The following ATG5 variants were observed in gnomAD, a reference collection of about 807,000 sequenced individuals.
ATG5 encodes autophagy related 5, also known as autophagy protein 5.
Under a neutral mutation model 36.5 loss-of-function variants are expected in ATG5, and 14 were observed. The observed-to-expected ratio is 0.38, with a 90% CI of 0.25 to 0.60. The LOEUF is 0.60. Among genes scored for constraint, ATG5 ranks in the 20% least tolerant of loss-of-function variants. The probability of loss-of-function intolerance (pLI) is 0.60; values close to 1 mark genes in which losing one functional copy is unlikely to be tolerated. For synonymous variants in ATG5, 95 were observed against 101.5 expected (o/e 0.94, Z 0.38); for missense variants, 195 against 326.7 (o/e 0.60, Z 3.11).
intron 6 of ATG5, among the ~76,000 whole-genome samples, chr6:106,214,590 T>A (rs1776970576): frequency 6.6e-6 from 1 of 152,194 alleles, no homozygotes; most frequent in Non-Finnish European, 1.5e-5. Flanking sequence ...CAATCTGGTT[T>A]GGAGTTTATG....
chr6:106,200,170 A>G (rs552006781), intron 7 of ATG5, among the ~76,000 whole-genome samples: 25 of 152,294 alleles, frequency 1.6e-4, no homozygotes, highest in African/African-American at 5.3e-4. Flanking sequence ...TGAATGACAC[A>G]TATTTTGGGC....
chr6:106,305,073 A>C (rs997513131), intron 3 of ATG5, among the ~76,000 whole-genome samples: 1 of 149,908 alleles, frequency 6.7e-6, no homozygotes, highest in African/African-American at 2.5e-5. Flanking sequence ...CCTGGGCGAC[A>C]AGAGCAAAAC....
intron 6 of ATG5, among the ~76,000 whole-genome samples, chr6:106,246,388 TCTCTCACACA>T (rs1158750422): frequency 4.2e-4 from 40 of 95,540 alleles, no homozygotes; most frequent in Non-Finnish European, 6.0e-4. Flanking sequence ...TCTCTCTCTC[TCTCTCACACA>T]CACACACACA....
intron 6 of ATG5, among the ~76,000 whole-genome samples, chr6:106,229,658 A>C (rs1777598752): frequency 6.6e-6 from 1 of 152,220 alleles, no homozygotes; most frequent in South Asian, 2.1e-4. Context: ...TAACACTCCA[A>C]TACTACCTTG....
chr6:106,300,787 G>A (rs1305714130), intron 3 of ATG5, among the ~76,000 whole-genome samples: 8 of 151,836 alleles, frequency 5.3e-5, no homozygotes, highest in South Asian at 4.1e-4. Flanking sequence ...TCCTAAATGC[G>A]GTCCATCATT....
rs192658334 is a variant in ATG5, at chr6:106,303,964, C to A, written c.236+4400G>T. Among the ~76,000 whole-genome samples the A allele has an allele frequency of 6.9e-3, 1,021 of 148,216 alleles. 5 individuals are homozygous for A. The highest frequency in any genetic ancestry group is 0.018 in the South Asian group (86 of 4,708). Reference sequence around the variant, plus strand: ...AACACAGTACTAGAAGTTCTAGCTACTCCAATAAGGAAAAAAAAAAAAAGA... The same window carrying A: ...AACACAGTACTAGAAGTTCTAGCTAATCCAATAAGGAAAAAAAAAAAAAGA... On this transcript the variant is annotated intron_variant, in intron 3 of 7. Coordinates refer to ENST00000369076, the MANE Select transcript of ATG5 (RefSeq NM_004849.4).
At chr6:106,218,909 A>G (rs1777142430) in intron 6 of ATG5, among the ~76,000 whole-genome samples, 1 of 152,190 alleles carries the variant, frequency 6.6e-6, no homozygotes, top group South Asian at 2.1e-4. Flanking sequence ...AAAATAGGAA[A>G]TGCTCTACTA....
chr6:106,269,953 G>GC (rs1222017775), intron 5 of ATG5, among the ~76,000 whole-genome samples: 1 of 152,196 alleles, frequency 6.6e-6, no homozygotes, highest in Non-Finnish European at 1.5e-5. Flanking sequence ...CTGCCAGCAC[G>GC]CTGTCACCTC....
intron 6 of ATG5, among the ~76,000 whole-genome samples, chr6:106,204,483 T>TC (rs1476386420): frequency 2.0e-5 from 3 of 152,220 alleles, no homozygotes; most frequent in Non-Finnish European, 4.4e-5. Context: ...ATGATTGATA[T>TC]CCTTTGATAT....
At chr6:106,198,990 C>T (rs1184725745) in intron 7 of ATG5, among the ~76,000 whole-genome samples, 1 of 151,968 alleles carries the variant, frequency 6.6e-6, no homozygotes, top group East Asian at 1.9e-4. Flanking sequence ...TTATAATAAG[C>T]ACATGAAAAC....
intron 7 of ATG5, among the ~76,000 whole-genome samples, chr6:106,187,523 A>G (rs1484451471): frequency 6.6e-6 from 1 of 152,190 alleles, no homozygotes; most frequent in Non-Finnish European, 1.5e-5. Flanking sequence ...AGAACCATCA[A>G]GAAACTTTGT....
intron 7 of ATG5, among the ~76,000 whole-genome samples, chr6:106,195,329 C>T (rs1776130974): frequency 6.6e-6 from 1 of 152,050 alleles, no homozygotes; most frequent in Admixed American, 6.5e-5. Flanking sequence ...CCATACACAC[C>T]CAATCTTAAA....
chr6:106,186,707 A>G (rs1170930908), intron 7 of ATG5, 31 bp from the exon 8 acceptor site: 1 of 1,609,122 alleles, frequency 6.2e-7, no homozygotes, highest in Admixed American at 1.7e-5. Context: ...AACAACAATA[A>G]AAGTCAAAAC....
At chr6:106,284,051 A>C in intron 4 of ATG5, among the ~76,000 whole-genome samples, 1 of 152,184 alleles carries the variant, frequency 6.6e-6, no homozygotes, top group South Asian at 2.1e-4. Flanking sequence ...GGATACATAC[A>C]GTATTTTGTT....
At chr6:106,292,222 A>G (rs1780337165) in intron 4 of ATG5, among the ~76,000 whole-genome samples, 1 of 152,206 alleles carries the variant, frequency 6.6e-6, no homozygotes. Flanking sequence ...TGATCAACTA[A>G]TATAAGAGAC....
chr6:106,321,399 C>T (rs1013706504), intron 1 of ATG5, among the ~76,000 whole-genome samples: 2 of 151,618 alleles, frequency 1.3e-5, no homozygotes, highest in South Asian at 2.1e-4. Flanking sequence ...CGCTCTGTCG[C>T]TCAGGATGGA....
chr6:106,272,765 C>T (rs989555093), intron 5 of ATG5, among the ~76,000 whole-genome samples: 3 of 152,260 alleles, frequency 2.0e-5, no homozygotes, highest in South Asian at 4.1e-4. Flanking sequence ...TACTACGGTC[C>T]GGGCATGATT....
rs1477714946 is a variant in ATG5, at chr6:106,325,597, G to A, written c.-130C>T. The A allele has an allele frequency of 6.5e-6, 1 of 152,814 alleles. No individual in the cohort carries two copies. Among genetic ancestry groups the A allele is most frequent in the Non-Finnish European group, 1.5e-5 (1 of 68,210 alleles). The allele number at this position is 152,814 out of a possible 1,614,324, so 9.5% of individuals were successfully genotyped here. On this transcript the variant is annotated 5_prime_UTR_variant, in exon 1 of 8. Coordinates refer to ENST00000369076, the MANE Select transcript of ATG5 (RefSeq NM_004849.4). ...GGACGCCCAGATTCCGCGCTCCGGT[G>A]GGGCGGCGGGGCAAGCTGCCCGCCT...
At chr6:106,258,327 C>T (rs949559719) in intron 5 of ATG5, among the ~76,000 whole-genome samples, 11 of 151,888 alleles carry the variant, frequency 7.2e-5, no homozygotes, top group Non-Finnish European at 1.3e-4. Context: ...GAGCCATGAC[C>T]TTACCACTGC....
Sources: gnomAD v4.1 joint callset for allele counts (sites outside exome capture counted in the v4.1 genomes callset) on GRCh38, gnomAD v4.1.1 for gene constraint, MANE v1.5 for transcripts, NCBI Gene and HGNC (gene_info 2026-07-23, HGNC 2026-07-21) for gene names.